The following C2CD3 variants were observed in gnomAD, a reference collection of about 807,000 sequenced individuals.
C2CD3 encodes C2 domain containing 3 centriole elongation regulator.
A neutral mutation model predicts 234.0 loss-of-function variants in C2CD3; 148 were observed. The observed-to-expected ratio is 0.63, with a 90% CI of 0.55 to 0.72. The LOEUF is 0.72. Among genes scored for constraint, C2CD3 ranks in the 30% least tolerant of loss-of-function variants. C2CD3 has a pLI of 0.00. For synonymous variants in C2CD3, 1,000 were observed against 1,035.4 expected (o/e 0.97, Z 0.66); for missense variants, 2,577 against 2,811.5 (o/e 0.92, Z 1.89).
chr11:74,044,673 C>T (rs1256270213), intron 28 of C2CD3, among the ~76,000 whole-genome samples: 1 of 152,050 alleles, frequency 6.6e-6, no homozygotes, highest in Non-Finnish European at 1.5e-5. Flanking sequence ...AGCATATTAC[C>T]TAACAGTCAG....
chr11:74,019,346 G>C (rs1951997141), intron 32 of C2CD3, among the ~76,000 whole-genome samples: 1 of 152,176 alleles, frequency 6.6e-6, no homozygotes, highest in African/African-American at 2.4e-5. Context: ...TGTTTCTCCT[G>C]ACCTCTATAC....
chr11:74,068,782 C>A (rs1954659418), intron 24 of C2CD3, among the ~76,000 whole-genome samples: 1 of 152,104 alleles, frequency 6.6e-6, no homozygotes, highest in Admixed American at 6.6e-5. Context: ...GGCACTACCC[C>A]CATCCCTCTG....
intron 2 of C2CD3, chr11:74,164,749 A>G (rs144367127): frequency 6.6e-6 from 1 of 152,328 alleles, no homozygotes; most frequent in East Asian, 1.9e-4. Flanking sequence ...CAATTGCCTT[A>G]ACTTCTGTTT....
chr11:74,024,360 A>C (rs555754375), intron 32 of C2CD3, among the ~76,000 whole-genome samples: 3 of 152,360 alleles, frequency 2.0e-5, no homozygotes, highest in African/African-American at 7.2e-5. Flanking sequence ...CTGGATAACC[A>C]GTTACCAGTA....
At chr11:74,164,527 C>G (rs141156394) in intron 2 of C2CD3, among the ~76,000 whole-genome samples, 80 of 152,274 alleles carry the variant, frequency 5.3e-4, no homozygotes, top group African/African-American at 1.9e-3. Context: ...TTACTTTTAA[C>G]TCTTTGAACC....
chr11:74,079,844 T>C (rs1401795470), intron 22 of C2CD3, among the ~76,000 whole-genome samples: 1 of 152,108 alleles, frequency 6.6e-6, no homozygotes, highest in Non-Finnish European at 1.5e-5. Context: ...TCTCAGGTTT[T>C]AGAAAGGTAA....
Position 74,078,410 on chromosome 11 carries a change from G to T in C2CD3, c.4308C>A (p.Tyr1436Ter). The change falls in exon 23 of 33, where the codon TAC becomes TAA. Residue 1436 changes from tyrosine (Y) to a stop codon, truncating the protein, a stop_gained. Transcript: ENST00000334126. LOFTEE classifies it high-confidence loss of function. ...CATGATCATAGAACTTGTAGCGAAGGTAGCAATATGTATTCTTATGAATGT... is the reference window on the plus strand; with the variant it reads ...CATGATCATAGAACTTGTAGCGAAGTTAGCAATATGTATTCTTATGAATGT... Reference protein sequence around the residue: ...HNHIHKNTYCYLRYKFYDHEA... With the variant: ...HNHIHKNTYC 1 of 1,614,172 alleles carries T rather than the reference G, an allele frequency of 6.2e-7. No homozygotes were observed. Among genetic ancestry groups the T allele is most frequent in the Non-Finnish European group, 8.5e-7 (1 of 1,180,012 alleles).
In C2CD3 at chr11:74,154,733, A is replaced by G. The variant is rs78481326; in HGVS notation, c.483+6666T>C. Among the ~76,000 whole-genome samples the G allele has an allele frequency of 3.5e-3, 526 of 152,334 alleles. 5 individuals are homozygous for G. The highest frequency in any genetic ancestry group is 0.012 in the African/African-American group (498 of 41,564). On this transcript the variant is annotated intron_variant, in intron 3 of 32. Transcript: ENST00000334126. ...AAATGAATGGGTGTGGCTGCGTCCT[A>G]ATACAACTATTTACAAATATAGGTG...
At chr11:74,164,632 A>G (rs1471488287) in intron 2 of C2CD3, among the ~76,000 whole-genome samples, 1 of 152,102 alleles carries the variant, frequency 6.6e-6, no homozygotes. Flanking sequence ...GCTTCATCTT[A>G]TTTCTCCTAC....
intron 16 of C2CD3, 99 bp downstream of exon 16, chr11:74,097,910 G>T: frequency 8.4e-7 from 1 of 1,191,920 alleles, no homozygotes; most frequent in Non-Finnish European, 1.2e-6. Flanking sequence ...CTTTTGTTGA[G>T]CCTTTCATTA....
intron 8 of C2CD3, among the ~76,000 whole-genome samples, chr11:74,119,824 C>A (rs1957152208): frequency 6.6e-6 from 1 of 151,862 alleles, no homozygotes; most frequent in African/African-American, 2.4e-5. Context: ...TTAGTAGAGA[C>A]AGGGTTTCAC....
chr11:74,166,458 A>G (rs895004800), intron 2 of C2CD3, among the ~76,000 whole-genome samples: 3 of 152,058 alleles, frequency 2.0e-5, no homozygotes, highest in Non-Finnish European at 4.4e-5. Context: ...GTGCTGGCAC[A>G]TTTGATGTTT....
intron 9 of C2CD3, among the ~76,000 whole-genome samples, chr11:74,116,382 C>A (rs1956927272): frequency 1.3e-5 from 2 of 151,840 alleles, no homozygotes; most frequent in Admixed American, 6.6e-5. Flanking sequence ...ATATGCTCAA[C>A]ATCACTAATG....
intron 24 of C2CD3, among the ~76,000 whole-genome samples, chr11:74,068,473 C>T (rs1436821840): frequency 6.6e-6 from 1 of 152,088 alleles, no homozygotes; most frequent in Non-Finnish European, 1.5e-5. Flanking sequence ...CAGATAGTTG[C>T]CCAGGGTTAG....
At chr11:74,145,194 A>AAATAC (rs1182447058) in intron 3 of C2CD3, among the ~76,000 whole-genome samples, 2 of 152,158 alleles carry the variant, frequency 1.3e-5, no homozygotes, top group Non-Finnish European at 1.5e-5. Context: ...AGCAGTGTAT[A>AAATAC]AGCATTCGCT....
chr11:74,081,500 T>C (rs1446340369), intron 22 of C2CD3, among the ~76,000 whole-genome samples: 1 of 152,194 alleles, frequency 6.6e-6, no homozygotes. Context: ...ATGAAAATAA[T>C]AAGATCCTAT....
chr11:74,046,160 C>CATTA (rs112868100), intron 28 of C2CD3, among the ~76,000 whole-genome samples: 12,229 of 151,906 alleles, frequency 0.081, 1,460 homozygotes, highest in African/African-American at 0.27. Flanking sequence ...CCAAATAAAC[C>CATTA]ATTACCATGA....
At chr11:74,051,534 A>G (rs1953690796) in intron 26 of C2CD3, among the ~76,000 whole-genome samples, 1 of 152,172 alleles carries the variant, frequency 6.6e-6, no homozygotes, top group Non-Finnish European at 1.5e-5. Context: ...ACATTGGATT[A>G]ACAGGACAAC....
At chr11:74,067,388 C>T (rs149285970) in intron 24 of C2CD3, among the ~76,000 whole-genome samples, 226 of 151,558 alleles carry the variant, frequency 1.5e-3, no homozygotes, top group Non-Finnish European at 2.7e-3. Flanking sequence ...GCCTTAGAAC[C>T]GGGAAAGCAT....
Sources: gnomAD v4.1 joint callset for allele counts (sites outside exome capture counted in the v4.1 genomes callset) on GRCh38, gnomAD v4.1.1 for gene constraint, MANE v1.5 for transcripts, NCBI Gene and HGNC (gene_info 2026-07-23, HGNC 2026-07-21) for gene names.